Variants in SLC35D1 observed in about 807,000 individuals in gnomAD.
SLC35D1 encodes nucleotide sugar transporter SLC35D1.
Under a neutral mutation model 46.7 loss-of-function variants are expected in SLC35D1, and 31 were observed. That is an observed-to-expected ratio of 0.66 (90% CI 0.50 to 0.90). The LOEUF (loss-of-function observed/expected upper bound fraction) is 0.90. Ranked by LOEUF, SLC35D1 falls within the 40% of genes least tolerant of loss-of-function variation. The pLI is 0.00. For missense variants in SLC35D1, 397 were observed against 426.2 expected, an observed-to-expected ratio of 0.93 and a Z score of 0.60; for synonymous variants, 195 against 164.6, an observed-to-expected ratio of 1.18 and a Z score of -1.41.
rs192933895 is a variant in SLC35D1, at chr1:67,008,553, T to C, written c.959+532A>G. ...ACGTGCCGAACTGCTTCCAAATCTA[T>C]TGAATCTACTAAATCTACTTTATCT... On this transcript the variant is annotated intron_variant, in intron 11 of 11. Coordinates refer to ENST00000235345, the MANE Select transcript of SLC35D1 (RefSeq NM_015139.3). 8 of 887,802 alleles carry C rather than the reference T, an allele frequency of 9.0e-6. No homozygotes were observed. The East Asian group carries it at 3.8e-4, about 43-fold the overall frequency. 55.0% of individuals were successfully genotyped at this position (887,802 alleles called of 1,614,324 possible). A position where few individuals can be genotyped will look rare whatever the true frequency, so the allele number is the denominator to read the frequency against.
chr1:67,053,512 T>A (rs1486762668), intron 1 of SLC35D1, among the ~76,000 whole-genome samples: 1 of 152,060 alleles, frequency 6.6e-6, no homozygotes, highest in Admixed American at 6.5e-5. Context: ...GCAAATCACT[T>A]TGCTCCATCT....
At chr1:67,005,356 T>C (rs1277453998) in intron 11 of SLC35D1, among the ~76,000 whole-genome samples, 1 of 152,186 alleles carries the variant, frequency 6.6e-6, no homozygotes, top group Non-Finnish European at 1.5e-5. Context: ...GGCTCTGACA[T>C]CAGCCCCAGA....
chr1:67,041,266 G>A (rs868060720), intron 8 of SLC35D1, among the ~76,000 whole-genome samples: 25 of 152,012 alleles, frequency 1.6e-4, no homozygotes, highest in African/African-American at 5.8e-4. Context: ...CTGGCAGGTA[G>A]GTCACAGTTC....
At chr1:66,999,182 T>C (rs1667281301), downstream of SLC35D1, 1 of 152,078 alleles carries the variant, frequency 6.6e-6, no homozygotes, top group Non-Finnish European at 1.5e-5. Flanking sequence ...TCCTTCCTTC[T>C]AATTTACCAC....
intron 8 of SLC35D1, among the ~76,000 whole-genome samples, chr1:67,040,114 C>G (rs562656549): frequency 9.4e-4 from 143 of 152,120 alleles, no homozygotes; most frequent in Non-Finnish European, 1.7e-3. Flanking sequence ...CCCACCTCAG[C>G]CTCCCCAGTA....
At chr1:67,047,216 A>G (rs1449585773) in intron 7 of SLC35D1, 49 bp downstream of exon 7, 2 of 1,425,042 alleles carry the variant, frequency 1.4e-6, no homozygotes, top group Non-Finnish European at 2.0e-6. Flanking sequence ...CTATGAATTG[A>G]CATGCCAACA....
chr1:66,989,745 G>C, the SLC35D1 span, among the ~76,000 whole-genome samples: 80 of 152,316 alleles, frequency 5.3e-4, no homozygotes, highest in Admixed American at 4.3e-3. Flanking sequence ...TTACAGGCGT[G>C]AGCCACCATG....
chr1:67,053,017 G>T, intron 1 of SLC35D1, 28 bp from the exon 2 acceptor site: 1 of 1,613,404 alleles, frequency 6.2e-7, no homozygotes, highest in Middle Eastern at 1.7e-4. Context: ...AAAAAAACAA[G>T]ATCAGAACAA....
intron 11 of SLC35D1, chr1:67,008,558 T>C (rs1027741007): frequency 2.5e-6 from 2 of 797,834 alleles, no homozygotes; most frequent in Non-Finnish European, 3.5e-6. Context: ...ATCTATTGAA[T>C]CTACTAAATC....
In SLC35D1 at chr1:67,000,288, T is replaced by G. The variant is rs1246977028; in HGVS notation, c.*4052A>C. ...GGCGACAGAGCAAGACCTTCTTTCTTTTTTTTTTTTTTTTTTAAAAAAAAG... is the reference window on the plus strand; with the variant it reads ...GGCGACAGAGCAAGACCTTCTTTCTGTTTTTTTTTTTTTTTTAAAAAAAAG... On this transcript the variant is annotated 3_prime_UTR_variant, in exon 12 of 12. Transcript: ENST00000235345. 1 of 147,030 alleles carries G rather than the reference T, an allele frequency of 6.8e-6. No individual in the cohort carries two copies. The highest frequency in any genetic ancestry group is 2.2e-4 in the South Asian group (1 of 4,638). 9.1% of individuals were successfully genotyped at this position (147,030 alleles called of 1,614,324 possible).
At chr1:66,981,491 C>G in the SLC35D1 span, among the ~76,000 whole-genome samples, 1 of 152,270 alleles carries the variant, frequency 6.6e-6, no homozygotes, top group African/African-American at 2.4e-5. Flanking sequence ...TCTTCCAGTT[C>G]TAGTTGGGCC....
chr1:67,024,648 A>G (rs1007874149), intron 8 of SLC35D1, among the ~76,000 whole-genome samples: 1 of 151,888 alleles, frequency 6.6e-6, no homozygotes, highest in African/African-American at 2.4e-5. Flanking sequence ...AATCTTTGGT[A>G]TTTTTTTAGC....
chr1:66,973,789 T>TGATA, the SLC35D1 span, among the ~76,000 whole-genome samples: 8 of 152,084 alleles, frequency 5.3e-5, no homozygotes, highest in Non-Finnish European at 8.8e-5. Context: ...AGGCTTATGA[T>TGATA]TATCACATTA....
At chr1:67,020,776 A>G (rs1379057991) in intron 9 of SLC35D1, among the ~76,000 whole-genome samples, 1 of 152,208 alleles carries the variant, frequency 6.6e-6, no homozygotes, top group Non-Finnish European at 1.5e-5. Flanking sequence ...CACAGACCCT[A>G]AAATGCAGTT....
At chr1:67,014,788 AATTT>A (rs1257612358) in intron 10 of SLC35D1, among the ~76,000 whole-genome samples, 1 of 138,370 alleles carries the variant, frequency 7.2e-6, no homozygotes, top group African/African-American at 2.7e-5. Context: ...ATGCTTACTT[AATTT>A]ATCTGTGAGC....
intron 8 of SLC35D1, among the ~76,000 whole-genome samples, chr1:67,036,002 TC>T (rs1320059403): frequency 6.6e-6 from 1 of 152,092 alleles, no homozygotes; most frequent in African/African-American, 2.4e-5. Flanking sequence ...CAAAAATCCC[TC>T]GTTATTAACT....
At chr1:66,986,328 G>C in the SLC35D1 span, 4 of 1,552,958 alleles carry the variant, frequency 2.6e-6, no homozygotes. Context: ...AAATAATGTA[G>C]TTTTATATAG....
rs71801070 is a variant in SLC35D1, at chr1:67,039,493, T to TTGTG, written c.729+2739_729+2742dup. Among the ~76,000 whole-genome samples the TTGTG allele has an allele frequency of 4.8e-3, 718 of 148,760 alleles. 3 individuals carry two copies. Among genetic ancestry groups the TTGTG allele is most frequent in the East Asian group, 0.025 (126 of 5,014 alleles). ...GACTTTATTTAAATAAGTGAAAAAATTGTGTGTGTGTGTGTGTGTGTGTGT... is the reference window on the plus strand; with the variant it reads ...GACTTTATTTAAATAAGTGAAAAAATTGTGTGTGTGTGTGTGTGTGTGTGTGTGT... On this transcript the variant is annotated intron_variant, in intron 8 of 11. Coordinates refer to ENST00000235345, the MANE Select transcript of SLC35D1 (RefSeq NM_015139.3).
At chr1:67,041,103 A>C (rs763128716) in intron 8 of SLC35D1, among the ~76,000 whole-genome samples, 3 of 152,336 alleles carry the variant, frequency 2.0e-5, no homozygotes, top group South Asian at 2.1e-4. Context: ...TAAAAACTAC[A>C]TTATATTAAA....
Sources: allele counts gnomAD v4.1 joint callset (sites outside exome capture counted in the v4.1 genomes callset), GRCh38; gene constraint gnomAD v4.1.1; transcripts MANE v1.5; gene names NCBI Gene and HGNC (gene_info 2026-07-23, HGNC 2026-07-21).